CATSPER4: variants seen among roughly 807,000 people sequenced by gnomAD.
CATSPER4 encodes the protein cation channel sperm-associated protein 4.
CATSPER4 carries 46 observed loss-of-function variants against 54.4 expected under a neutral mutation model. That is an observed-to-expected ratio of 0.84 (90% confidence interval 0.67 to 1.08). The LOEUF is 1.08. Ranked by LOEUF, CATSPER4 falls within the 50% of genes least tolerant of loss-of-function variation. The pLI is 0.00. For missense variants in CATSPER4, 574 were observed against 612.8 expected (o/e 0.94, Z 0.67); for synonymous variants, 230 against 231.9 (o/e 0.99, Z 0.08).
At chr1:26,199,555 C>A (rs890077568) in intron 6 of CATSPER4, among the ~76,000 whole-genome samples, 2 of 147,102 alleles carry the variant, frequency 1.4e-5, no homozygotes, top group Non-Finnish European at 3.0e-5. Context: ...GCCGAGATCA[C>A]GCCACTTCAC....
At position 26,200,854 on chromosome 1, in the gene CATSPER4, A is replaced by T. The variant is rs2088999310; in HGVS notation, c.1012A>T (p.Asn338Tyr). 1 of 1,613,870 alleles carries T rather than the reference A, an allele frequency of 6.2e-7. No homozygotes were observed. Among genetic ancestry groups the T allele is most frequent in the Admixed American group, 1.7e-5 (1 of 60,012 alleles). ...SETGAEEEEE[N>Y]DQLPLVHCVV... ...GACAGGCGCAGAGGAAGAGGAGGAG[A>T]ATGACCAGCTGCCACTGGTGCATTG... Residue 338 changes from asparagine (N) to tyrosine (Y), a missense_variant, in exon 8 of 10, where the codon AAT becomes TAT. Physicochemically the swap from Asn to Tyr is moderately radical, Grantham distance 143. Transcript: ENST00000456354.
chr1:26,195,471 T>TG (rs1263678937), intron 3 of CATSPER4, among the ~76,000 whole-genome samples: 7 of 151,230 alleles, frequency 4.6e-5, no homozygotes, highest in African/African-American at 2.4e-5. Context: ...AGAGGGGAGA[T>TG]GGGAGATGCC....
In CATSPER4 at chr1:26,198,286, GT is replaced by G. The variant is rs1557631503; in HGVS notation, c.685del (p.Ser229ProfsTer5). ...IMVLILFFML[V>X]FSVFGVTLFG... ...GGTGGGGCTCTTTTCTCTCTGACAG[GT>G]TTTTTCCGTGTTTGGAGTAACACTC... On this transcript the variant is annotated frameshift_variant and splice_region_variant, in exon 6 of 10. Transcript: ENST00000456354. LOFTEE classifies it high-confidence loss of function. 6.2e-7 allele frequency: 1 copy of G among 1,614,196 alleles called. No homozygotes were observed. The highest frequency in any genetic ancestry group is 1.1e-5 in the South Asian group (1 of 91,080).
intron 6 of CATSPER4, among the ~76,000 whole-genome samples, chr1:26,198,658 C>T (rs2088972147): frequency 6.6e-6 from 1 of 152,208 alleles, no homozygotes. Flanking sequence ...GGGGACCTCT[C>T]CCATCATGCT....
intron 3 of CATSPER4, 59 bp downstream of exon 3, chr1:26,193,947 G>A: frequency 8.9e-7 from 1 of 1,124,284 alleles, no homozygotes; most frequent in Non-Finnish European, 1.4e-6. Flanking sequence ...CACCCAGTCT[G>A]CCCCTGTACT....
At chr1:26,198,490 G>A in intron 6 of CATSPER4, 71 bp downstream of exon 6, 4 of 1,592,010 alleles carry the variant, frequency 2.5e-6, no homozygotes, top group South Asian at 1.1e-5. Flanking sequence ...TCCAGGCTGA[G>A]AGTGGGAGCT....
chr1:26,193,945 C>A (rs2124523993), intron 3 of CATSPER4, 57 bp downstream of exon 3: 1 of 1,161,324 alleles, frequency 8.6e-7, no homozygotes, highest in South Asian at 1.2e-5. Flanking sequence ...ACCACCCAGT[C>A]TGCCCCTGTA....
intron 1 of CATSPER4, 83 bp from the exon 2 acceptor site, chr1:26,191,204 A>G: frequency 2.6e-6 from 4 of 1,538,710 alleles, no homozygotes; most frequent in East Asian, 2.3e-5. Context: ...GGCCCCAGGA[A>G]CCCCCATTCT....
At chr1:26,199,639 T>C (rs1406878743) in intron 6 of CATSPER4, among the ~76,000 whole-genome samples, 1 of 147,592 alleles carries the variant, frequency 6.8e-6, no homozygotes, top group Non-Finnish European at 1.5e-5. Context: ...TTAAACTTAA[T>C]AGTGTTGATG....
chr1:26,191,442 G>T lies in CATSPER4; in HGVS notation c.357+12G>T. The stretch of plus-strand genomic sequence containing the variant: ...CCTACCTGGACCAGGTGGGATGCCA[G>T]CATGACCTCTGCCCCACTAACCCTA... On this transcript the variant is annotated intron_variant, in intron 2 of 9. Coordinates refer to ENST00000456354, the MANE Select transcript of CATSPER4 (RefSeq NM_198137.2). The T allele has an allele frequency of 1.2e-6, 2 of 1,613,980 alleles. No individual in the cohort carries two copies. The highest frequency in any genetic ancestry group is 1.7e-6 in the Non-Finnish European group (2 of 1,179,982).
intron 4 of CATSPER4, 75 bp downstream of exon 4, chr1:26,197,858 C>T: frequency 6.2e-7 from 1 of 1,607,488 alleles, no homozygotes; most frequent in Non-Finnish European, 8.5e-7. Context: ...TAACGACCAG[C>T]TGGAGATCAG....
intron 7 of CATSPER4, among the ~76,000 whole-genome samples, chr1:26,200,316 C>T (rs2088992956): frequency 6.6e-6 from 1 of 152,126 alleles, no homozygotes; most frequent in Non-Finnish European, 1.5e-5. Flanking sequence ...TTTACCCACT[C>T]TAAGCCTCAA....
chr1:26,196,402 C>CCTTTTTTT (rs2088938843), intron 3 of CATSPER4, among the ~76,000 whole-genome samples: 1 of 82,456 alleles, frequency 1.2e-5, no homozygotes, highest in Admixed American at 1.6e-4. Context: ...TTTTCTTTTC[C>CCTTTTTTT]TTTTTTTTTT....
chr1:26,197,901 G>C, intron 4 of CATSPER4, 56 bp from the exon 5 acceptor site: 1 of 1,610,876 alleles, frequency 6.2e-7, no homozygotes, highest in Non-Finnish European at 8.5e-7. Flanking sequence ...TGGGGGTAAT[G>C]AGGAGGGAAG....
chr1:26,201,395 A>T lies in CATSPER4; in HGVS notation c.1241A>T (p.Gln414Leu). Residue 414 changes from glutamine (Q) to leucine (L), a missense_variant, in exon 9 of 10, where the codon CAG becomes CTG. Coordinates refer to ENST00000456354, the MANE Select transcript of CATSPER4 (RefSeq NM_198137.2). ...CGCGCAATCCGCTTCAACCAGGAGC[A>T]GGAGTCAGAGGTGTTGAACAGGCGC... ...EVRAIRFNQE[Q>L]ESEVLNRRSS... 1 of 1,614,182 alleles carries T rather than the reference A, an allele frequency of 6.2e-7. No homozygotes were observed. Among genetic ancestry groups the T allele is most frequent in the South Asian group, 1.1e-5 (1 of 91,090 alleles).
At chr1:26,199,034 C>T (rs543986746) in intron 6 of CATSPER4, among the ~76,000 whole-genome samples, 2 of 152,158 alleles carry the variant, frequency 1.3e-5, no homozygotes, top group Non-Finnish European at 2.9e-5. Context: ...GGGCCGGGCG[C>T]GGTGGCTCAC....
rs2089008413 is a variant in CATSPER4 at position 26,201,527 on chromosome 1, T to G, written c.1365+8T>G. On this transcript the variant is annotated splice_region_variant and intron_variant, in intron 9 of 9. Transcript: ENST00000456354. ...CTCGTTAGCATGGAAAAGGTGTGCC[T>G]TCCTTCTCCTACCCAATGGGTACTC... 6.2e-7 allele frequency: 1 copy of G among 1,613,848 alleles called. No individual in the cohort carries two copies. Among genetic ancestry groups the G allele is most frequent in the Non-Finnish European group, 8.5e-7 (1 of 1,179,816 alleles).
At chr1:26,196,351 A>G (rs1243215479) in intron 3 of CATSPER4, among the ~76,000 whole-genome samples, 3 of 140,254 alleles carry the variant, frequency 2.1e-5, no homozygotes, top group African/African-American at 5.4e-5. Flanking sequence ...AATGTGCCAT[A>G]GTTTATCCAA....
rs2088866281 is a variant in CATSPER4 at position 26,191,356 on chromosome 1, C to T, written c.283C>T (p.Gln95Ter). The change falls in exon 2 of 10, where the codon CAA becomes TAA. Residue 95 changes from glutamine to a stop codon, truncating the protein, a stop_gained. Transcript: ENST00000456354. LOFTEE classifies it high-confidence loss of function. ...GCAGCTGCTCCGACACCCCGCCTTC[C>T]AACTGCTGCTGGCCCTGCTGCTGGT... Reference protein sequence around the residue: ...IKQLLRHPAFQLLLALLLVIN... With the variant: ...IKQLLRHPAF 6.2e-7 allele frequency: 1 copy of T among 1,614,214 alleles called. No individual in the cohort carries two copies. The highest frequency in any genetic ancestry group is 1.1e-5 in the South Asian group (1 of 91,090).
Sources: allele counts gnomAD v4.1 joint callset (sites outside exome capture counted in the v4.1 genomes callset), GRCh38; gene constraint gnomAD v4.1.1; transcripts MANE v1.5; gene names NCBI Gene and HGNC (gene_info 2026-07-23, HGNC 2026-07-21).